The following NOL10 variants were observed in gnomAD, a reference collection of about 807,000 sequenced individuals.
NOL10 encodes nucleolar protein 10.
NOL10 carries 58 observed loss-of-function variants against 103.5 expected under a neutral mutation model. The observed-to-expected ratio is 0.56, with a 90% confidence interval of 0.45 to 0.70. NOL10 has a LOEUF of 0.70. NOL10 is among the 30% of genes least tolerant of loss of function. The probability of loss-of-function intolerance (pLI) is 0.00; values close to 1 mark genes in which losing one functional copy is unlikely to be tolerated. For missense variants in NOL10, 763 were observed against 807.3 expected (o/e 0.95, Z 0.67); for synonymous variants, 287 against 282.5 (o/e 1.02, Z -0.16).
At chr2:10,574,998 C>T (rs1264593092) in intron 20 of NOL10, among the ~76,000 whole-genome samples, 1 of 152,234 alleles carries the variant, frequency 6.6e-6, no homozygotes, top group East Asian at 1.9e-4. Context: ...GAAGGCCTTG[C>T]CGCCATGTGG....
chr2:10,636,420 C>CAAAAAAAAAAA (rs70953327), intron 13 of NOL10, among the ~76,000 whole-genome samples: 4 of 54,698 alleles, frequency 7.3e-5, no homozygotes, highest in Non-Finnish European at 1.2e-4. Context: ...TACAAAAAAC[C>CAAAAAAAAAAA]AAAAAAAAAA....
intron 20 of NOL10, among the ~76,000 whole-genome samples, chr2:10,576,925 G>A (rs141569038): frequency 6.6e-6 from 1 of 152,188 alleles, no homozygotes; most frequent in East Asian, 1.9e-4. Flanking sequence ...AAAAAAAAGG[G>A]ATGAAATCTT....
intron 19 of NOL10, among the ~76,000 whole-genome samples, chr2:10,582,921 CACTA>C (rs1293170469): frequency 2.0e-4 from 30 of 152,230 alleles, no homozygotes; most frequent in Admixed American, 3.3e-4. Flanking sequence ...GACTCACCGA[CACTA>C]ACTGTTTACT....
intron 2 of NOL10, among the ~76,000 whole-genome samples, chr2:10,683,664 T>C (rs1231473898): frequency 6.6e-6 from 1 of 152,088 alleles, no homozygotes; most frequent in Non-Finnish European, 1.5e-5. Flanking sequence ...AAAACACAGG[T>C]TTGCTTACTG....
At chr2:10,588,067 T>C (rs1675207808) in intron 19 of NOL10, among the ~76,000 whole-genome samples, 1 of 152,184 alleles carries the variant, frequency 6.6e-6, no homozygotes, top group African/African-American at 2.4e-5. Context: ...ATCAATACTT[T>C]GCCTAGGAAT....
intron 6 of NOL10, among the ~76,000 whole-genome samples, 164 bp from the exon 7 acceptor site, chr2:10,668,887 G>A (rs535473337): frequency 5.9e-5 from 9 of 152,122 alleles, no homozygotes; most frequent in Non-Finnish European, 1.3e-4. Flanking sequence ...TTATGAATTT[G>A]TTCATGTATA....
rs369401520 is a variant in NOL10, at chr2:10,659,285, C to T, written c.678-35G>A. ...AAAATATTCATGCTTCATGAATATA[C>T]GGCCAAACCTCCTTCCAAGTAACAA... On this transcript the variant is annotated intron_variant, in intron 9 of 20. Coordinates refer to ENST00000381685, the MANE Select transcript of NOL10 (RefSeq NM_024894.4). 48 of 1,236,178 alleles carry T rather than the reference C, an allele frequency of 3.9e-5. No individual in the cohort carries two copies. In the East Asian group the frequency reaches 5.2e-4, roughly 13 times the overall value. 76.6% of individuals were successfully genotyped at this position (1,236,178 alleles called of 1,614,324 possible). A position where few individuals can be genotyped will look rare whatever the true frequency, so the allele number is the denominator to read the frequency against.
intron 17 of NOL10, among the ~76,000 whole-genome samples, chr2:10,596,576 G>A (rs1181320857): frequency 6.6e-6 from 1 of 152,162 alleles, no homozygotes; most frequent in East Asian, 1.9e-4. Context: ...CTGACAGGAG[G>A]TGGGGCTCAG....
intron 1 of NOL10, among the ~76,000 whole-genome samples, chr2:10,685,398 A>T (rs940029770): frequency 1.4e-5 from 2 of 144,866 alleles, no homozygotes; most frequent in African/African-American, 5.1e-5. Context: ...GAGGCTGAGG[A>T]AGGGGAATCA....
chr2:10,654,739 T>C (rs893187477), intron 11 of NOL10, among the ~76,000 whole-genome samples, 192 bp from the exon 12 acceptor site: 3 of 152,076 alleles, frequency 2.0e-5, no homozygotes, highest in Non-Finnish European at 2.9e-5. Context: ...TCCCATTTTA[T>C]AGATGAAGAA....
Position 10,635,515 on chromosome 2 carries a change from C to A in NOL10, c.1026+8805G>T, listed in dbSNP as rs138709997. Among the ~76,000 whole-genome samples, 19 of 152,248 alleles carry A rather than the reference C, an allele frequency of 1.2e-4. No individual in the cohort carries two copies. The East Asian group carries it at 3.5e-3, about 28-fold the overall frequency. On this transcript the variant is annotated intron_variant, in intron 13 of 20. Transcript: ENST00000381685. ...ATTTTTACAAATCTATATATAATAT[C>A]TACACAGAAGAAGGGGGCTGATAAA...
intron 11 of NOL10, among the ~76,000 whole-genome samples, chr2:10,655,512 G>C (rs564204830): frequency 6.6e-6 from 1 of 152,100 alleles, no homozygotes; most frequent in South Asian, 2.1e-4. Context: ...TAACTGTTGG[G>C]GAAAAGTGTT....
chr2:10,596,059 T>C (rs1321863431), intron 17 of NOL10, among the ~76,000 whole-genome samples: 2 of 152,272 alleles, frequency 1.3e-5, no homozygotes, highest in African/African-American at 4.8e-5. Context: ...AAAGTATCTG[T>C]ACCTAATTGT....
chr2:10,630,335 A>C (rs1379294022), intron 13 of NOL10, among the ~76,000 whole-genome samples: 2 of 152,168 alleles, frequency 1.3e-5, no homozygotes, highest in African/African-American at 4.8e-5. Flanking sequence ...CCAATTCCAA[A>C]GTCTAAGTTA....
chr2:10,676,992 G>A (rs887879609), intron 3 of NOL10, among the ~76,000 whole-genome samples: 4 of 150,858 alleles, frequency 2.7e-5, no homozygotes, highest in African/African-American at 9.8e-5. Flanking sequence ...AGGCTGGAGT[G>A]CAGAGGAGTA....
intron 1 of NOL10, among the ~76,000 whole-genome samples, chr2:10,686,838 A>G (rs1682245417): frequency 7.1e-6 from 1 of 141,514 alleles, no homozygotes; most frequent in Non-Finnish European, 1.6e-5. Context: ...ACTAGGTTGC[A>G]GGAGGGGGAA....
chr2:10,673,630 G>T (rs1184092297), intron 4 of NOL10, 73 bp from the exon 5 acceptor site: 12 of 1,004,238 alleles, frequency 1.2e-5, no homozygotes, highest in Non-Finnish European at 1.8e-5. Flanking sequence ...CTGATGCAAA[G>T]ATTCTAATTC....
chr2:10,615,073 T>A lies in NOL10; in HGVS notation c.1027-7762A>T, dbSNP rs542405460. ...CTGGGTGAGCCAGAGGGAGTGGCCATGACCTTAAGCATGTAATTGCATTTG... is the reference window on the plus strand; with the variant it reads ...CTGGGTGAGCCAGAGGGAGTGGCCAAGACCTTAAGCATGTAATTGCATTTG... On this transcript the variant is annotated intron_variant, in intron 13 of 20. Coordinates refer to ENST00000381685, the MANE Select transcript of NOL10 (RefSeq NM_024894.4). Among the ~76,000 whole-genome samples, 8 of 152,358 alleles carry A rather than the reference T, an allele frequency of 5.3e-5. No homozygotes were observed. The South Asian group carries it at 1.7e-3, about 32-fold the overall frequency.
At chr2:10,672,914 AC>A (rs779848562) in intron 5 of NOL10, among the ~76,000 whole-genome samples, 1 of 151,828 alleles carries the variant, frequency 6.6e-6, no homozygotes, top group Non-Finnish European at 1.5e-5. Context: ...AATCACTTGA[AC>A]TCGGGAGGCT....
Sources: gnomAD v4.1 joint callset for allele counts (sites outside exome capture counted in the v4.1 genomes callset) on GRCh38, gnomAD v4.1.1 for gene constraint, MANE v1.5 for transcripts, NCBI Gene and HGNC (gene_info 2026-07-23, HGNC 2026-07-21) for gene names.